The following NETO2 variants were observed in gnomAD, a reference collection of about 807,000 sequenced individuals.
The protein encoded by NETO2 is neuropilin and tolloid-like protein 2.
Under a neutral mutation model 62.5 loss-of-function variants are expected in NETO2, and 28 were observed. The observed-to-expected ratio is 0.45, with a 90% CI of 0.33 to 0.61. The LOEUF is 0.61. Among genes scored for constraint, NETO2 ranks in the 20% least tolerant of loss-of-function variants. The pLI, the probability that NETO2 is intolerant of heterozygous loss-of-function variation, is 0.02. For synonymous variants in NETO2, 214 were observed against 219.1 expected (o/e 0.98, Z 0.21); for missense variants, 548 against 643.2 (o/e 0.85, Z 1.60).
At chr16:47,095,901 T>C (rs1026308299) in intron 7 of NETO2, among the ~76,000 whole-genome samples, 1 of 152,228 alleles carries the variant, frequency 6.6e-6, no homozygotes, top group Non-Finnish European at 1.5e-5. Context: ...ATAGACTACG[T>C]ATGTTCAGCC....
intron 1 of NETO2, among the ~76,000 whole-genome samples, chr16:47,132,820 A>T (rs1284354016): frequency 6.6e-6 from 1 of 152,184 alleles, no homozygotes; most frequent in Non-Finnish European, 1.5e-5. Context: ...AGGTGTGGAG[A>T]GAGAAATCGA....
At chr16:47,111,756 A>G (rs1596723783) in intron 6 of NETO2, among the ~76,000 whole-genome samples, 1 of 152,310 alleles carries the variant, frequency 6.6e-6, no homozygotes, top group East Asian at 1.9e-4. Context: ...GGGCTGTTCT[A>G]GACTTAGGTG....
At chr16:47,119,936 C>T (rs1964003849) in intron 6 of NETO2, among the ~76,000 whole-genome samples, 1 of 152,106 alleles carries the variant, frequency 6.6e-6, no homozygotes, top group Non-Finnish European at 1.5e-5. Context: ...TTTATGAATG[C>T]TAGTAGAGAA....
chr16:47,113,551 T>C (rs941068566), intron 6 of NETO2, among the ~76,000 whole-genome samples: 8 of 151,846 alleles, frequency 5.3e-5, no homozygotes, highest in Non-Finnish European at 1.0e-4. Flanking sequence ...TATTGTTGAA[T>C]AGATGTTACT....
intron 7 of NETO2, among the ~76,000 whole-genome samples, chr16:47,094,241 G>C (rs1432838250): frequency 1.4e-5 from 2 of 147,794 alleles, no homozygotes; most frequent in East Asian, 4.0e-4. Flanking sequence ...AAAAAATTAG[G>C]AAGTACTGAT....
chr16:47,122,689 T>C lies in NETO2; in HGVS notation c.622A>G (p.Ile208Val). Residue 208 changes from isoleucine (I) to valine (V), a missense_variant, in exon 6 of 9, where the codon ATC (isoleucine) becomes GTC (valine). Physicochemically the swap from Ile to Val is conservative, Grantham distance 29. Transcript: ENST00000562435. ...KTKPGQAVDCIWTIKATPKAK... is the reference protein window; with the variant it reads ...KTKPGQAVDCVWTIKATPKAK... ...TTTGGAGTGGCTTTAATGGTCCAGA[T>C]GCAATCAACGGCTTGGCCTGGTTTT... 1 of 1,614,170 alleles carries C rather than the reference T, an allele frequency of 6.2e-7. No individual in the cohort carries two copies. Among genetic ancestry groups the C allele is most frequent in the Non-Finnish European group, 8.5e-7 (1 of 1,180,016 alleles).
intron 2 of NETO2, 152 bp downstream of exon 2, chr16:47,131,817 G>A (rs1263257292): frequency 2.9e-6 from 2 of 681,456 alleles, no homozygotes; most frequent in East Asian, 5.5e-5. Context: ...GCTAAACTCA[G>A]TTAAATTGAG....
chr16:47,143,378 C>T (rs1964504844), intron 1 of NETO2, among the ~76,000 whole-genome samples: 2 of 151,962 alleles, frequency 1.3e-5, no homozygotes, highest in Non-Finnish European at 1.5e-5. Context: ...TCGCAGGGGT[C>T]GGAAGCGGCG....
rs1567376939 is a variant in NETO2, at chr16:47,083,333, T to C, written c.1466A>G (p.His489Arg). Reference sequence around the variant, plus strand: ...TTCCAGGGCCTGCTCAGGGCACTCATGTCCCTGTTTGAAAGTGTAACTACT... The same window carrying C: ...TTCCAGGGCCTGCTCAGGGCACTCACGTCCCTGTTTGAAAGTGTAACTACT... ...KKSSYTFKQGHECPEQALEDR... is the reference protein window; with the variant it reads ...KKSSYTFKQGRECPEQALEDR... Residue 489 changes from histidine (H) to arginine (R), a missense_variant, in exon 9 of 9, where the codon CAT becomes CGT. Physicochemically the swap from His to Arg is conservative, Grantham distance 29. Coordinates refer to ENST00000562435, the MANE Select transcript of NETO2 (RefSeq NM_018092.5). 1.4e-5 allele frequency: 23 copies of C among 1,614,124 alleles called. No individual in the cohort carries two copies. Among genetic ancestry groups the C allele is most frequent in the Non-Finnish European group, 1.8e-5 (21 of 1,180,038 alleles).
chr16:47,140,213 TC>T (rs1373494082), intron 1 of NETO2, among the ~76,000 whole-genome samples: 1 of 152,164 alleles, frequency 6.6e-6, no homozygotes, highest in Admixed American at 6.6e-5. Context: ...TCACAAAAGT[TC>T]CTCTGAAGTT....
At chr16:47,117,809 G>C (rs1210873395) in intron 6 of NETO2, among the ~76,000 whole-genome samples, 3 of 152,054 alleles carry the variant, frequency 2.0e-5, no homozygotes, top group Non-Finnish European at 4.4e-5. Context: ...AATTCTGGCT[G>C]GGCAGGGTGG....
chr16:47,094,954 C>T (rs138228636), intron 7 of NETO2, among the ~76,000 whole-genome samples: 7 of 152,144 alleles, frequency 4.6e-5, no homozygotes. Flanking sequence ...AAGCGATCCA[C>T]CCGCCTCGGC....
At chr16:47,100,871 G>A (rs1017451397) in intron 7 of NETO2, among the ~76,000 whole-genome samples, 9 of 152,148 alleles carry the variant, frequency 5.9e-5, no homozygotes, top group African/African-American at 2.2e-4. Flanking sequence ...TTCTACCAGA[G>A]GTACAAAGTG....
intron 6 of NETO2, among the ~76,000 whole-genome samples, chr16:47,112,469 G>A (rs1963821224): frequency 1.3e-5 from 2 of 152,064 alleles, no homozygotes; most frequent in African/African-American, 4.8e-5. Flanking sequence ...AGAGATTCTT[G>A]TGCCTCAGCC....
chr16:47,111,381 AC>A (rs1298106078), intron 6 of NETO2, among the ~76,000 whole-genome samples: 6 of 152,256 alleles, frequency 3.9e-5, no homozygotes, highest in African/African-American at 1.4e-4. Context: ...TTTTAAAAAA[AC>A]ATCGAGTTAA....
chr16:47,088,612 AC>A (rs1170077020), intron 7 of NETO2, among the ~76,000 whole-genome samples: 1 of 152,086 alleles, frequency 6.6e-6, no homozygotes, highest in Non-Finnish European at 1.5e-5. Flanking sequence ...CTAAAATTTT[AC>A]TTGACTAATG....
intron 7 of NETO2, among the ~76,000 whole-genome samples, chr16:47,096,887 C>A (rs1174385034): frequency 2.0e-5 from 3 of 152,142 alleles, no homozygotes; most frequent in Non-Finnish European, 4.4e-5. Context: ...CCACGGAGGA[C>A]GAGTAGGAGC....
chr16:47,133,080 A>T (rs1341173352), intron 1 of NETO2, among the ~76,000 whole-genome samples: 2 of 152,248 alleles, frequency 1.3e-5, no homozygotes, highest in Non-Finnish European at 2.9e-5. Flanking sequence ...TCCACAAGGA[A>T]TCAATGTATT....
intron 6 of NETO2, among the ~76,000 whole-genome samples, chr16:47,110,574 T>C (rs920779348): frequency 3.3e-5 from 5 of 152,206 alleles, no homozygotes; most frequent in Admixed American, 2.6e-4. Context: ...TCTCATTCCA[T>C]GAAGCGCTTT....
Sources: allele counts gnomAD v4.1 joint callset (sites outside exome capture counted in the v4.1 genomes callset), GRCh38; gene constraint gnomAD v4.1.1; transcripts MANE v1.5; gene names NCBI Gene and HGNC (gene_info 2026-07-23, HGNC 2026-07-21).